The following NFAT5 variants were observed in gnomAD, a reference collection of about 807,000 sequenced individuals.
NFAT5 encodes nuclear factor of activated T-cells 5.
NFAT5 carries 31 observed loss-of-function variants against 166.5 expected under a neutral mutation model. The observed-to-expected ratio is 0.19, with a 90% CI of 0.14 to 0.25. The LOEUF is 0.25. Among genes scored for constraint, NFAT5 ranks in the 10% least tolerant of loss-of-function variants. NFAT5 has a pLI of 1.00. For missense variants in NFAT5, 1,449 were observed against 1,821.8 expected (o/e 0.80, Z 3.72); for synonymous variants, 612 against 639.7 (o/e 0.96, Z 0.65).
chr16:69,665,296 A>G (rs1280195478), intron 7 of NFAT5, among the ~76,000 whole-genome samples: 1 of 148,244 alleles, frequency 6.7e-6, no homozygotes, highest in Non-Finnish European at 1.5e-5. Flanking sequence ...CCTATTCAAC[A>G]TAGTGTTGGA....
chr16:69,592,269 G>A (rs1597368674), intron 2 of NFAT5, among the ~76,000 whole-genome samples: 3 of 151,830 alleles, frequency 2.0e-5, no homozygotes, highest in East Asian at 1.9e-4. Flanking sequence ...TAGTAGAGAC[G>A]GGGTTTCACC....
chr16:69,695,397 G>T lies in NFAT5; in HGVS notation c.*8+18G>T. ...CTGGATATGTAAGTATTGCATTTTG[G>T]CTTCTTATTGAAAAGCATCAGATTT... On this transcript the variant is annotated intron_variant, in intron 14 of 14. Transcript: ENST00000349945. 1 of 1,546,446 alleles carries T rather than the reference G, an allele frequency of 6.5e-7. No homozygotes were observed.
At chr16:69,596,120 A>C (rs1435054312) in intron 2 of NFAT5, among the ~76,000 whole-genome samples, 1 of 152,178 alleles carries the variant, frequency 6.6e-6, no homozygotes, top group Non-Finnish European at 1.5e-5. Context: ...ATAAGGGAGG[A>C]CTACTGTATT....
At chr16:69,655,860 C>T (rs1002659791) in intron 6 of NFAT5, 61 bp downstream of exon 6, 26 of 1,284,112 alleles carry the variant, frequency 2.0e-5, no homozygotes, top group Non-Finnish European at 2.8e-5. Context: ...CAGAATTGTT[C>T]AGTTTCTAAT....
intron 4 of NFAT5, among the ~76,000 whole-genome samples, chr16:69,651,445 C>G (rs1206554671): frequency 6.6e-6 from 1 of 152,102 alleles, no homozygotes; most frequent in African/African-American, 2.4e-5. Context: ...ATGATTAAGG[C>G]AACAACTTGG....
At chr16:69,590,473 G>A (rs1352808915) in intron 2 of NFAT5, among the ~76,000 whole-genome samples, 2 of 152,096 alleles carry the variant, frequency 1.3e-5, no homozygotes, top group Non-Finnish European at 2.9e-5. Flanking sequence ...TATTTGTATT[G>A]TTAAAATAAG....
At chr16:69,686,319 C>T (rs548850544) in intron 11 of NFAT5, among the ~76,000 whole-genome samples, 43 of 151,974 alleles carry the variant, frequency 2.8e-4, no homozygotes, top group Non-Finnish European at 4.9e-4. Context: ...TGCCACTGCT[C>T]TCCAGCCTGG....
At chr16:69,691,197 CT>C (rs1217735426) in intron 12 of NFAT5, 109 bp downstream of exon 12, 2 of 1,048,768 alleles carry the variant, frequency 1.9e-6, no homozygotes, top group African/African-American at 3.3e-5. Context: ...ATGAATTTTG[CT>C]GTAAAGAGGG....
intron 13 of NFAT5, among the ~76,000 whole-genome samples, chr16:69,694,798 C>A (rs1017004428): frequency 6.6e-6 from 1 of 152,118 alleles, no homozygotes; most frequent in Non-Finnish European, 1.5e-5. Flanking sequence ...AATACCTTAC[C>A]CAGTTGAAGT....
intron 2 of NFAT5, among the ~76,000 whole-genome samples, chr16:69,573,924 A>G (rs902686963): frequency 7.3e-6 from 1 of 136,522 alleles, no homozygotes; most frequent in African/African-American, 2.8e-5. Flanking sequence ...CCCAGGCTGG[A>G]GTGCAATGGT....
At chr16:69,601,456 C>G (rs945528104) in intron 2 of NFAT5, among the ~76,000 whole-genome samples, 1 of 152,306 alleles carries the variant, frequency 6.6e-6, no homozygotes, top group South Asian at 2.1e-4. Context: ...TAGCCTCGAC[C>G]TCCTGGGCTC....
chr16:69,668,265 G>A lies in NFAT5; in HGVS notation c.1370-1712G>A, dbSNP rs142604168. Among the ~76,000 whole-genome samples, 339 of 152,282 alleles carry A rather than the reference G, an allele frequency of 2.2e-3. 2 individuals carry two copies. Among genetic ancestry groups the A allele is most frequent in the South Asian group, 5.8e-3 (28 of 4,826 alleles). On this transcript the variant is annotated intron_variant, in intron 7 of 14. Transcript: ENST00000349945. Reference sequence around the variant, plus strand: ...GGTCTCCCAAAGTATTGGGATTACAGGCGTGAGCCACCTCACCCGGCCAGT... The same window carrying A: ...GGTCTCCCAAAGTATTGGGATTACAAGCGTGAGCCACCTCACCCGGCCAGT...
intron 12 of NFAT5, 144 bp from the exon 13 acceptor site, chr16:69,691,605 C>G: frequency 1.6e-6 from 1 of 633,762 alleles, no homozygotes; most frequent in Non-Finnish European, 2.7e-6. Flanking sequence ...AATTGTAGTC[C>G]TGTACCTGTT....
At chr16:69,613,977 C>T (rs1424346845) in intron 2 of NFAT5, among the ~76,000 whole-genome samples, 1 of 152,154 alleles carries the variant, frequency 6.6e-6, no homozygotes, top group Non-Finnish European at 1.5e-5. Context: ...AGATGTCAAA[C>T]AAGTAATTAT....
At chr16:69,660,649 A>G (rs934601294) in intron 7 of NFAT5, among the ~76,000 whole-genome samples, 1 of 152,174 alleles carries the variant, frequency 6.6e-6, no homozygotes, top group Non-Finnish European at 1.5e-5. Context: ...TTCAATTCTT[A>G]TCACTAACCT....
chr16:69,663,598 A>G (rs1230893179), intron 7 of NFAT5, among the ~76,000 whole-genome samples: 2 of 148,676 alleles, frequency 1.3e-5, no homozygotes, highest in South Asian at 2.1e-4. Flanking sequence ...GGCCAGGTGC[A>G]GTTGTACACG....
chr16:69,647,629 A>G lies in NFAT5; in HGVS notation c.812+43A>G. On this transcript the variant is annotated intron_variant, in intron 4 of 14. Transcript: ENST00000349945. This position sits in a 1 kb window ranked among gnomAD's most constrained non-coding sequence, Gnocchi z 4.8. ...TTAAAATTCTATCATCATTATGCAA[A>G]ACAAACAAACAAAAAAAATTCCCAA... 1.4e-6 allele frequency: 2 copies of G among 1,472,898 alleles called. No homozygotes were observed. Among genetic ancestry groups the G allele is most frequent in the South Asian group, 2.8e-5 (2 of 71,244 alleles). 91.2% of individuals were successfully genotyped at this position (1,472,898 alleles called of 1,614,324 possible). A position where few individuals can be genotyped will look rare whatever the true frequency, so the allele number is the denominator to read the frequency against.
At chr16:69,572,107 A>G (rs886390853) in intron 2 of NFAT5, among the ~76,000 whole-genome samples, 50 of 152,178 alleles carry the variant, frequency 3.3e-4, no homozygotes, top group African/African-American at 2.7e-4. Flanking sequence ...CAAAATGTCT[A>G]CTATTCAACT....
chr16:69,617,843 A>G (rs1055000665), intron 2 of NFAT5, among the ~76,000 whole-genome samples: 41 of 152,042 alleles, frequency 2.7e-4, no homozygotes, highest in African/African-American at 9.4e-4. Flanking sequence ...TAGAAAAAAG[A>G]TATGTTATAC....
Sources: gnomAD v4.1 joint callset for allele counts (sites outside exome capture counted in the v4.1 genomes callset) on GRCh38, gnomAD v4.1.1 for gene constraint, Gnocchi (gnomAD v3.1) non-coding constraint, MANE v1.5 for transcripts, NCBI Gene and HGNC (gene_info 2026-07-23, HGNC 2026-07-21) for gene names.